The following NBPF20 variants were observed in gnomAD, a reference collection of about 807,000 sequenced individuals.
The protein encoded by NBPF20 is NBPF family member NBPF20.
In NBPF20, 90 loss-of-function variants were observed where a neutral mutation model predicts 68.1. The observed-to-expected ratio is 1.32, with a 90% CI of 1.11 to 1.58. NBPF20 has a LOEUF of 1.58. NBPF20 is among the 40% of genes most tolerant of loss of function. NBPF20 has a pLI of 0.00. For missense variants in NBPF20, 816 were observed against 601.2 expected, an observed-to-expected ratio of 1.36 and a Z score of -3.74; for synonymous variants, 290 against 228.1, an observed-to-expected ratio of 1.27 and a Z score of -2.45.
At chr1:145,410,305 T>A (rs1461399023), upstream of NBPF20, among the ~76,000 whole-genome samples, 2 of 151,792 alleles carry the variant, frequency 1.3e-5, no homozygotes, top group Non-Finnish European at 2.9e-5. Context: ...TAATTGACCA[T>A]TCATGTATCT....
intron 28 of NBPF20, 68 bp from the exon 34 acceptor site, chr1:145,378,162 C>T: frequency 1.4e-5 from 1 of 69,194 alleles, no homozygotes; most frequent in South Asian, 8.0e-5. Flanking sequence ...AATCCACTGT[C>T]TAATCCTCAC....
chr1:145,409,983 GC>G (rs1411489028), upstream of NBPF20, among the ~76,000 whole-genome samples: 1 of 152,018 alleles, frequency 6.6e-6, no homozygotes, highest in South Asian at 2.1e-4. Flanking sequence ...ACAGCATCCC[GC>G]CCCTCAGGTT....
chr1:145,312,307 G>C, exon 112 of NBPF20: 2 of 111,758 alleles, frequency 1.8e-5, no homozygotes, highest in East Asian at 4.1e-4. Context: ...CAACCTGAAG[G>C]AGTTGAATAA....
At chr1:145,393,811 G>A (rs1662067986) in intron 9 of NBPF20, 73 bp downstream of exon 14, 1 of 1,247,946 alleles carries the variant, frequency 8.0e-7, no homozygotes, top group South Asian at 1.2e-5. Flanking sequence ...TTTTCAGCAT[G>A]TACTGTTTTC....
the NBPF20 span, among the ~76,000 whole-genome samples, chr1:145,422,417 ACAAT>A: frequency 6.7e-6 from 1 of 148,302 alleles, no homozygotes; most frequent in Non-Finnish European, 1.5e-5. Context: ...CAAGAAACTG[ACAAT>A]CATTTATAAA....
At chr1:145,401,774 G>C (rs1326059131) in intron 4 of NBPF20, among the ~76,000 whole-genome samples, 7 of 83,052 alleles carry the variant, frequency 8.4e-5, no homozygotes, top group Non-Finnish European at 1.6e-4. Context: ...CGGAGAGAGA[G>C]AAACTCAGGA....
At chr1:145,425,165 G>A in the NBPF20 span, among the ~76,000 whole-genome samples, 1 of 152,156 alleles carries the variant, frequency 6.6e-6, no homozygotes. Flanking sequence ...GGGCGGCAGC[G>A]GCAAGTGAGG....
intron 9 of NBPF20, chr1:145,393,664 G>C (rs1662056372): frequency 2.3e-6 from 3 of 1,297,650 alleles, no homozygotes; most frequent in Non-Finnish European, 2.1e-6. Context: ...TACAGCTTTT[G>C]AGTTATGGTC....
At chr1:145,290,557 G>GACA (rs1553657070) in exon 138 of NBPF20, 2 of 150,396 alleles carry the variant, frequency 1.3e-5, no homozygotes, top group South Asian at 2.1e-4. Context: ...CACCATCCAT[G>GACA]ACAACAACAA....
At chr1:145,415,063 C>T in the NBPF20 span, among the ~76,000 whole-genome samples, 1,024 of 152,170 alleles carry the variant, frequency 6.7e-3, 14 homozygotes, top group African/African-American at 0.023. Context: ...TGATCATTAT[C>T]GGGCATTTCC....
the NBPF20 span, among the ~76,000 whole-genome samples, chr1:145,410,891 A>ACACACACAC: frequency 1.5e-5 from 2 of 130,768 alleles, no homozygotes; most frequent in Admixed American, 1.5e-4. Context: ...ATGTATACAC[A>ACACACACAC]CACACACACA....
intron 2 of NBPF20, among the ~76,000 whole-genome samples, chr1:145,404,845 C>G (rs1281740538): frequency 6.6e-6 from 1 of 150,552 alleles, no homozygotes; most frequent in African/African-American, 2.5e-5. Flanking sequence ...GAAAACAGGT[C>G]GTTCTGTGCC....
chr1:145,398,140 T>A (rs1239761962), intron 7 of NBPF20, among the ~76,000 whole-genome samples: 1 of 152,030 alleles, frequency 6.6e-6, no homozygotes, highest in Non-Finnish European at 1.5e-5. Flanking sequence ...TGGGAGACTT[T>A]AACACCCCAC....
chr1:145,395,075 G>C, exon 8 of NBPF20: 1 of 1,610,336 alleles, frequency 6.2e-7, no homozygotes, highest in Non-Finnish European at 8.5e-7. Context: ...GAGGAATTGA[G>C]AGAGTCGAAT....
chr1:145,404,101 C>T (rs1280931378), intron 2 of NBPF20, among the ~76,000 whole-genome samples: 1 of 136,928 alleles, frequency 7.3e-6, no homozygotes, highest in Non-Finnish European at 1.6e-5. Context: ...AGGAGACAGG[C>T]TGAGGGTCCC....
rs1272336195 is a variant in NBPF20, at chr1:145,393,629, A to G, written c.1043+255T>C. Reference sequence around the variant, plus strand: ...AATAATTTTGCATAAAATGTGCTCAAGTTTCCCTGCAGTTACCATGAGAAT... The same window carrying G: ...AATAATTTTGCATAAAATGTGCTCAGGTTTCCCTGCAGTTACCATGAGAAT... On this transcript the variant is annotated intron_variant, in intron 9 of 137. Coordinates refer to ENST00000369373, the Ensembl canonical transcript of NBPF20. 5 of 884,634 alleles carry G rather than the reference A, an allele frequency of 5.7e-6. No individual in the cohort carries two copies. The Admixed American group carries it at 8.2e-5, about 15-fold the overall frequency. The allele number at this position is 884,634 out of a possible 1,614,324, so 54.8% of individuals were successfully genotyped here.
the NBPF20 span, among the ~76,000 whole-genome samples, chr1:145,425,332 G>C: frequency 7.1e-6 from 1 of 140,770 alleles, no homozygotes; most frequent in African/African-American, 2.6e-5. Context: ...CCGCCCGCCC[G>C]GCCTGGCGCG....
chr1:145,395,173 A>C, intron 7 of NBPF20, 32 bp from the exon 13 acceptor site: 1 of 1,332,126 alleles, frequency 7.5e-7, no homozygotes, highest in South Asian at 1.2e-5. Context: ...GGATGATAGA[A>C]GATTTAACCA....
intron 137 of NBPF20, 33 bp from the exon 143 acceptor site, chr1:145,291,802 A>T: frequency 1.2e-6 from 2 of 1,612,008 alleles, no homozygotes; most frequent in Non-Finnish European, 1.7e-6. Context: ...AGAAGCAGCC[A>T]GGGAAAATCA....
Sources: allele counts gnomAD v4.1 joint callset (sites outside exome capture counted in the v4.1 genomes callset), GRCh38; gene constraint gnomAD v4.1.1; transcripts MANE v1.5; gene names NCBI Gene and HGNC (gene_info 2026-07-23, HGNC 2026-07-21).